MTREX: variants seen among roughly 807,000 people sequenced by gnomAD.
The protein encoded by MTREX is Mtr4 exosome RNA helicase, also known as exosome RNA helicase MTR4.
A neutral mutation model predicts 135.4 loss-of-function variants in MTREX; 76 were observed. The observed-to-expected ratio is 0.56, with a 90% CI of 0.47 to 0.68. The LOEUF (loss-of-function observed/expected upper bound fraction) is 0.68. Ranked by LOEUF, MTREX falls within the 30% of genes least tolerant of loss-of-function variation. The probability of loss-of-function intolerance (pLI) is 0.00; values close to 1 mark genes in which losing one functional copy is unlikely to be tolerated. For synonymous variants in MTREX, 404 were observed against 401.6 expected (o/e 1.01, Z -0.07); for missense variants, 920 against 1,262.1 (o/e 0.73, Z 4.11).
chr5:55,374,286 A>G (rs563182301), intron 16 of MTREX, among the ~76,000 whole-genome samples: 44 of 144,878 alleles, frequency 3.0e-4, no homozygotes, highest in Non-Finnish European at 4.8e-4. Context: ...ATATATATAT[A>G]AACAATTTTT....
At chr5:55,408,418 C>A (rs1034518723) in intron 22 of MTREX, among the ~76,000 whole-genome samples, 6 of 152,120 alleles carry the variant, frequency 3.9e-5, no homozygotes, top group African/African-American at 1.4e-4. Context: ...ACTGTAGCTT[C>A]TTGAAATAGT....
chr5:55,326,099 G>A (rs961454318), intron 3 of MTREX, among the ~76,000 whole-genome samples: 6 of 151,966 alleles, frequency 3.9e-5, no homozygotes, highest in African/African-American at 1.4e-4. Context: ...TATAAAAGAT[G>A]GAAAAACATA....
At chr5:55,380,533 A>G (rs1303596863) in intron 18 of MTREX, among the ~76,000 whole-genome samples, 1 of 151,898 alleles carries the variant, frequency 6.6e-6, no homozygotes, top group African/African-American at 2.4e-5. Flanking sequence ...TGATCATGTG[A>G]TTTTTGCTTT....
chr5:55,344,688 GT>G, intron 9 of MTREX, 68 bp downstream of exon 9: 1 of 920,154 alleles, frequency 1.1e-6, no homozygotes, highest in South Asian at 1.9e-5. Flanking sequence ...TGTTGTTGTT[GT>G]TTTTAAATTT....
At chr5:55,371,443 C>T (rs144053730) in intron 16 of MTREX, among the ~76,000 whole-genome samples, 13 of 152,130 alleles carry the variant, frequency 8.5e-5, no homozygotes, top group East Asian at 3.9e-4. Context: ...TCATCTTCCT[C>T]GAGAGGAAGA....
intron 5 of MTREX, chr5:55,329,506 A>G (rs981405823): frequency 6.6e-6 from 1 of 151,976 alleles, no homozygotes; most frequent in Non-Finnish European, 1.5e-5. Flanking sequence ...ATAATTTGAC[A>G]CGTCTGATAA....
intron 18 of MTREX, among the ~76,000 whole-genome samples, chr5:55,381,317 A>G (rs1014760977): frequency 2.6e-5 from 4 of 151,902 alleles, no homozygotes. Flanking sequence ...TCTTTTTTCA[A>G]CGTGTTAAGG....
At chr5:55,323,518 G>A (rs1175662029) in intron 2 of MTREX, among the ~76,000 whole-genome samples, 1 of 151,986 alleles carries the variant, frequency 6.6e-6, no homozygotes, top group Non-Finnish European at 1.5e-5. Context: ...GCCTCCCCAG[G>A]GTCAGGTGAT....
At chr5:55,363,168 G>C (rs1750045008) in intron 15 of MTREX, among the ~76,000 whole-genome samples, 1 of 152,138 alleles carries the variant, frequency 6.6e-6, no homozygotes, top group South Asian at 2.1e-4. Context: ...TTCTATTAAA[G>C]TTAGTTCTGT....
chr5:55,358,531 AG>A, intron 14 of MTREX, 41 bp from the exon 15 acceptor site: 2 of 1,515,750 alleles, frequency 1.3e-6, no homozygotes, highest in Non-Finnish European at 1.8e-6. Flanking sequence ...GTTTTTTACC[AG>A]TTTTTTTCCT....
intron 3 of MTREX, among the ~76,000 whole-genome samples, chr5:55,327,053 T>A (rs1415735924): frequency 6.6e-6 from 1 of 152,236 alleles, no homozygotes; most frequent in Non-Finnish European, 1.5e-5. Flanking sequence ...CTGCATAGTA[T>A]TCCATGGTGT....
intron 19 of MTREX, 74 bp downstream of exon 19, chr5:55,388,176 G>A (rs1484027284): frequency 5.4e-5 from 74 of 1,369,664 alleles, no homozygotes; most frequent in Non-Finnish European, 6.7e-5. Context: ...GTTCTCCAAT[G>A]TGATGGTAAT....
At chr5:55,420,636 C>T (rs768158497) in intron 25 of MTREX, among the ~76,000 whole-genome samples, 7 of 152,164 alleles carry the variant, frequency 4.6e-5, no homozygotes, top group Non-Finnish European at 8.8e-5. Context: ...TATAATTTCA[C>T]TTATATGAAA....
intron 1 of MTREX, among the ~76,000 whole-genome samples, chr5:55,309,792 T>A (rs1047315054): frequency 6.6e-6 from 1 of 152,144 alleles, no homozygotes; most frequent in Non-Finnish European, 1.5e-5. Context: ...TGTGGGGAAG[T>A]AAGTGACACA....
In MTREX at chr5:55,377,200, G is replaced by A. The variant is rs1403080351; in HGVS notation, c.1811-1114G>A. Among the ~76,000 whole-genome samples, 5 of 152,214 alleles carry A rather than the reference G, an allele frequency of 3.3e-5. No homozygotes were observed. In the South Asian group the frequency reaches 1.0e-3, roughly 32 times the overall value. ...AAATTAGCTGGGCATGGTAGCGGGC[G>A]CCTGTAGTCCCAGCTACTCGGGAGG... On this transcript the variant is annotated intron_variant, in intron 16 of 26. Coordinates refer to ENST00000230640, the MANE Select transcript of MTREX (RefSeq NM_015360.5).
chr5:55,409,910 A>G (rs1308475002), intron 22 of MTREX, among the ~76,000 whole-genome samples: 1 of 152,172 alleles, frequency 6.6e-6, no homozygotes, highest in East Asian at 1.9e-4. Flanking sequence ...TTTGGAAAAT[A>G]TGAATTAAAA....
chr5:55,329,310 C>T (rs1419650010), intron 5 of MTREX: 2 of 151,802 alleles, frequency 1.3e-5, no homozygotes, highest in Non-Finnish European at 2.9e-5. Flanking sequence ...GGACTAAAAG[C>T]GTGCACCATC....
At chr5:55,320,419 G>T (rs1222568877) in intron 1 of MTREX, among the ~76,000 whole-genome samples, 2 of 151,928 alleles carry the variant, frequency 1.3e-5, no homozygotes, top group African/African-American at 4.8e-5. Flanking sequence ...GGGTTTCACC[G>T]TGTTAGCCAG....
intron 26 of MTREX, 56 bp from the exon 27 acceptor site, chr5:55,424,664 G>A (rs1051593112): frequency 4.6e-6 from 6 of 1,303,046 alleles, no homozygotes; most frequent in South Asian, 1.2e-5. Context: ...TTCGGTAGAG[G>A]CAAGTTAGGT....
Sources: allele counts gnomAD v4.1 joint callset (sites outside exome capture counted in the v4.1 genomes callset), GRCh38; gene constraint gnomAD v4.1.1; transcripts MANE v1.5; gene names NCBI Gene and HGNC (gene_info 2026-07-23, HGNC 2026-07-21).